Variants in KCNIP4 observed in about 807,000 individuals in gnomAD.
KCNIP4 encodes the protein Kv channel-interacting protein 4.
In KCNIP4, 12 loss-of-function variants were observed where a neutral mutation model predicts 34.0. The ratio of observed to expected loss-of-function variants is 0.35; its 90% CI spans 0.23 to 0.57. The LOEUF (loss-of-function observed/expected upper bound fraction) is 0.57. KCNIP4 is among the 20% of genes least tolerant of loss of function. The pLI, the probability that KCNIP4 is intolerant of heterozygous loss-of-function variation, is 0.83. For synonymous variants in KCNIP4, 124 were observed against 102.2 expected (o/e 1.21, Z -1.29); for missense variants, 238 against 311.7 (o/e 0.76, Z 1.78).
At position 21,014,561 on chromosome 4, in the gene KCNIP4, T is replaced by C. The variant is rs138885585; in HGVS notation, c.62-131852A>G. Among the ~76,000 whole-genome samples, 681 of 152,332 alleles carry C rather than the reference T, an allele frequency of 4.5e-3. 8 individuals carry two copies. Among genetic ancestry groups the C allele is most frequent in the African/African-American group, 0.016 (652 of 41,576 alleles). ...TTATGGAAATGCAAATCAAATCACA[T>C]TGAGATATTATGCAATACCTCTTAG... is the stretch of plus-strand genomic sequence containing the variant. On this transcript the variant is annotated intron_variant, in intron 1 of 8. Transcript: ENST00000382152.
chr4:21,397,181 G>T (rs957424842), intron 1 of KCNIP4, among the ~76,000 whole-genome samples: 1 of 152,140 alleles, frequency 6.6e-6, no homozygotes, highest in Non-Finnish European at 1.5e-5. Context: ...TGAAGCAAAA[G>T]CCCTTATACT....
At chr4:21,925,981 G>A (rs776640641) in intron 1 of KCNIP4, among the ~76,000 whole-genome samples, 2 of 152,098 alleles carry the variant, frequency 1.3e-5, no homozygotes, top group South Asian at 2.1e-4. Context: ...TTAATCTTCA[G>A]AAAGGGCATT....
chr4:21,917,474 G>T (rs1048767913), intron 1 of KCNIP4, among the ~76,000 whole-genome samples: 1 of 152,064 alleles, frequency 6.6e-6, no homozygotes, highest in Non-Finnish European at 1.5e-5. Flanking sequence ...TAAATTCAAA[G>T]GCACACAGAT....
At chr4:21,733,454 C>T (rs1577916776) in intron 1 of KCNIP4, among the ~76,000 whole-genome samples, 1 of 152,074 alleles carries the variant, frequency 6.6e-6, no homozygotes, top group Non-Finnish European at 1.5e-5. Context: ...CATATACGCA[C>T]CATGGCACAA....
intron 1 of KCNIP4, among the ~76,000 whole-genome samples, chr4:21,309,625 A>G (rs1426983898): frequency 6.6e-6 from 1 of 152,194 alleles, no homozygotes; most frequent in Non-Finnish European, 1.5e-5. Context: ...ATTTCACTGT[A>G]TCCTCTGTAA....
chr4:20,754,400 A>C lies in KCNIP4; in HGVS notation c.358+4421T>G, dbSNP rs186081766. 2.3e-3 allele frequency among the ~76,000 whole-genome samples: 356 copies of C among 152,234 alleles called. 8 individuals carry two copies. The South Asian group carries it at 0.047, about 20-fold the overall frequency. ...AATGTTACTGTTCATAATGAGAAAA[A>C]CTGTTGCATTCAGACCATCATCCTG... is the stretch of plus-strand genomic sequence containing the variant. On this transcript the variant is annotated intron_variant, in intron 4 of 8. Coordinates refer to ENST00000382152, the MANE Select transcript of KCNIP4 (RefSeq NM_025221.6).
rs77564157 is a variant in KCNIP4, at chr4:20,980,163, T to C, written c.62-97454A>G. Among the ~76,000 whole-genome samples the C allele has an allele frequency of 3.8e-3, 575 of 152,382 alleles. 5 individuals are homozygous for C. The highest frequency in any genetic ancestry group is 0.013 in the African/African-American group (551 of 41,600). On this transcript the variant is annotated intron_variant, in intron 1 of 8. Coordinates refer to ENST00000382152, the MANE Select transcript of KCNIP4 (RefSeq NM_025221.6). ...TGGGCCTATGCCCAGCATTATTTTC[T>C]GCTGCCTTGTTTAGTAAGTAGTCTC...
chr4:20,989,198 G>T (rs1343982104), intron 1 of KCNIP4, among the ~76,000 whole-genome samples: 2 of 152,108 alleles, frequency 1.3e-5, no homozygotes, highest in African/African-American at 2.4e-5. Flanking sequence ...CCATCAATCT[G>T]TCCTTTGTCA....
chr4:21,377,877 A>AT (rs1458457769), intron 1 of KCNIP4, among the ~76,000 whole-genome samples: 1 of 152,198 alleles, frequency 6.6e-6, no homozygotes, highest in Non-Finnish European at 1.5e-5. Context: ...TATTCCTGAC[A>AT]TTCGCTTTGG....
intron 1 of KCNIP4, among the ~76,000 whole-genome samples, chr4:21,125,418 T>C (rs1750537793): frequency 6.6e-6 from 1 of 151,928 alleles, no homozygotes; most frequent in Non-Finnish European, 1.5e-5. Flanking sequence ...GGTTTCACCA[T>C]GTTGGCCAGG....
At chr4:20,862,888 C>A (rs75839829) in intron 2 of KCNIP4, among the ~76,000 whole-genome samples, 4,705 of 152,148 alleles carry the variant, frequency 0.031, 108 homozygotes, top group Admixed American at 0.072. Context: ...AAATACCGCA[C>A]GTTCTTGCTT....
chr4:21,426,937 T>C (rs980915570), intron 1 of KCNIP4, among the ~76,000 whole-genome samples: 1 of 152,102 alleles, frequency 6.6e-6, no homozygotes, highest in African/African-American at 2.4e-5. Context: ...TAAGATGCCT[T>C]TTTCAGATCA....
At position 21,913,119 on chromosome 4, in the gene KCNIP4, T is replaced by C. The variant is rs139468171; in HGVS notation, c.61+35452A>G. Reference sequence around the variant, plus strand: ...CAACCTGCATTTTAATAGTATTAAGTAGTGGGCCTTTAAAAGGTTGTTAGG... The same window carrying C: ...CAACCTGCATTTTAATAGTATTAAGCAGTGGGCCTTTAAAAGGTTGTTAGG... On this transcript the variant is annotated intron_variant, in intron 1 of 8. Transcript: ENST00000382152. Among the ~76,000 whole-genome samples the C allele has an allele frequency of 2.9e-3, 446 of 151,982 alleles. 1 individual carries two copies. Among genetic ancestry groups the C allele is most frequent in the African/African-American group, 0.01 (433 of 41,492 alleles).
chr4:20,824,595 G>A (rs988267963), intron 3 of KCNIP4, among the ~76,000 whole-genome samples: 2 of 152,070 alleles, frequency 1.3e-5, no homozygotes, highest in Admixed American at 6.5e-5. Context: ...CAGGAAAATC[G>A]CTTGAACCCT....
At chr4:20,934,290 T>A (rs1452009285) in intron 1 of KCNIP4, among the ~76,000 whole-genome samples, 5 of 152,172 alleles carry the variant, frequency 3.3e-5, no homozygotes, top group Non-Finnish European at 7.4e-5. Context: ...AATATGTTCT[T>A]TAACCCAATG....
At chr4:20,920,076 TTAAG>T (rs1407922498) in intron 1 of KCNIP4, among the ~76,000 whole-genome samples, 1 of 152,200 alleles carries the variant, frequency 6.6e-6, no homozygotes, top group Non-Finnish European at 1.5e-5. Flanking sequence ...TACACCATTC[TTAAG>T]TAATTAAATT....
chr4:21,279,320 T>C (rs1762633196), intron 1 of KCNIP4, among the ~76,000 whole-genome samples: 1 of 152,108 alleles, frequency 6.6e-6, no homozygotes, highest in Admixed American at 6.6e-5. Flanking sequence ...CTGTTATAGG[T>C]GAAGGGTCAC....
chr4:20,882,842 G>A (rs984895568), intron 1 of KCNIP4, 133 bp from the exon 2 acceptor site: 4 of 558,772 alleles, frequency 7.2e-6, no homozygotes, highest in Non-Finnish European at 1.2e-5. Flanking sequence ...CAGGCAGTGG[G>A]TTGGGACCCC....
At chr4:21,753,140 T>C (rs1717266194) in intron 1 of KCNIP4, among the ~76,000 whole-genome samples, 1 of 152,192 alleles carries the variant, frequency 6.6e-6, no homozygotes, top group African/African-American at 2.4e-5. Context: ...AGTGAGTGTT[T>C]CCAAGATCTG....
Sources: gnomAD v4.1 joint callset for allele counts (sites outside exome capture counted in the v4.1 genomes callset) on GRCh38, gnomAD v4.1.1 for gene constraint, MANE v1.5 for transcripts, NCBI Gene and HGNC (gene_info 2026-07-23, HGNC 2026-07-21) for gene names.